The following COL27A1 variants were observed in gnomAD, a reference collection of about 807,000 sequenced individuals.
COL27A1 encodes collagen alpha-1(XXVII) chain.
Under a neutral mutation model 251.3 loss-of-function variants are expected in COL27A1, and 106 were observed. That is an observed-to-expected ratio of 0.42 (90% CI 0.36 to 0.50). The LOEUF (loss-of-function observed/expected upper bound fraction) is 0.50. COL27A1 is among the 20% of genes least tolerant of loss of function. The pLI is 0.00. For missense variants in COL27A1, 2,325 were observed against 2,522.8 expected (o/e 0.92, Z 1.68); for synonymous variants, 1,000 against 986.3 (o/e 1.01, Z -0.26).
chr9:114,291,610 A>G (rs1231239840), intron 48 of COL27A1, among the ~76,000 whole-genome samples: 3 of 152,142 alleles, frequency 2.0e-5, no homozygotes, highest in Non-Finnish European at 4.4e-5. Flanking sequence ...TTAGCTGGGC[A>G]TGGTGGCAGG....
intron 3 of COL27A1, among the ~76,000 whole-genome samples, chr9:114,174,267 G>C (rs1849532236): frequency 6.6e-6 from 1 of 152,048 alleles, no homozygotes; most frequent in Non-Finnish European, 1.5e-5. Context: ...ATTTACGGAG[G>C]GGTGGACAGC....
In COL27A1 at chr9:114,168,376, C is replaced by T. The variant is rs1849056639; in HGVS notation, c.821C>T (p.Thr274Ile). 2 of 1,613,556 alleles carry T rather than the reference C, an allele frequency of 1.2e-6. No individual in the cohort carries two copies. The highest frequency in any genetic ancestry group is 1.7e-6 in the Non-Finnish European group (2 of 1,180,004). The change falls in exon 3 of 61, where the codon ACT becomes ATT. Residue 274 changes from threonine (T) to isoleucine (I), a missense_variant. By Grantham distance (89) the Thr-to-Ile change is moderately conservative. This residue lies in a region of COL27A1 where 1,183 missense variants were observed against 1,144.1 expected (regional missense o/e 1.03). Coordinates refer to ENST00000356083, the MANE Select transcript of COL27A1 (RefSeq NM_032888.4). ...LALLGLENLT[T>I]ATPALGSLPA... is the part of the protein sequence containing the mutation. ...CTGCTAGGCCTGGAGAACTTGACCA[C>T]TGCCACACCAGCCCTGGGGTCACTG...
intron 34 of COL27A1, 51 bp downstream of exon 34, chr9:114,267,608 G>A (rs1438294685): frequency 6.6e-7 from 1 of 1,520,160 alleles, no homozygotes; most frequent in Non-Finnish European, 9.0e-7. Flanking sequence ...CCAGCTCCCA[G>A]ATGGTGGCCA....
chr9:114,252,835 A>C (rs1833634978), intron 26 of COL27A1, 44 bp from the exon 27 acceptor site: 1 of 1,596,300 alleles, frequency 6.3e-7, no homozygotes, highest in Non-Finnish European at 8.6e-7. Context: ...TGAAGGAGGA[A>C]GCTTCCATAG....
chr9:114,186,514 G>A (rs765814736), intron 5 of COL27A1, among the ~76,000 whole-genome samples: 3 of 152,264 alleles, frequency 2.0e-5, no homozygotes, highest in Non-Finnish European at 4.4e-5. Context: ...TGAGAGGCCC[G>A]GAGTGCTCGG....
intron 41 of COL27A1, among the ~76,000 whole-genome samples, chr9:114,286,650 G>A (rs537501172): frequency 2.6e-5 from 4 of 152,250 alleles, no homozygotes; most frequent in East Asian, 3.9e-4. Context: ...TAAATGACGA[G>A]TTAATGGGTG....
In COL27A1 at chr9:114,265,581, C is replaced by T. The variant is rs1458403680; in HGVS notation, c.3393+106C>T. On this transcript the variant is annotated intron_variant, in intron 32 of 60. Coordinates refer to ENST00000356083, the MANE Select transcript of COL27A1 (RefSeq NM_032888.4). ...GGGTTGGAAAGGGACCATGCCTGGC[C>T]TCTAACCCGCTGTGGGCCAGGCCTT... 7 of 1,111,860 alleles carry T rather than the reference C, an allele frequency of 6.3e-6. No individual in the cohort carries two copies. In the Admixed American group the frequency reaches 1.4e-4, roughly 23 times the overall value. 68.9% of individuals were successfully genotyped at this position (1,111,860 alleles called of 1,614,324 possible). A position where few individuals can be genotyped will look rare whatever the true frequency, so the allele number is the denominator to read the frequency against.
In COL27A1 at chr9:114,167,833, C is replaced by T. The variant is rs747384879; in HGVS notation, c.278C>T (p.Ala93Val). The T allele has an allele frequency of 6.2e-7, 1 of 1,613,554 alleles. No homozygotes were observed. The highest frequency in any genetic ancestry group is 8.5e-7 in the Non-Finnish European group (1 of 1,180,002). The change falls in exon 3 of 61, where the codon GCC (alanine) becomes GTC (valine). Residue 93 changes from alanine (A) to valine (V), a missense_variant. By Grantham distance (64) the Ala-to-Val change is moderately conservative. Around this residue, in one of 4 missense-constraint regions of COL27A1, gnomAD observed 1,183 missense variants for 1,144.1 expected, o/e 1.03. Transcript: ENST00000356083. ...CCCACGGGCACCGTCATTCCTGCCG[C>T]CTTGGGCACAGAGCTGGCACTGGTG... Reference protein sequence around the residue: ...QAPTGTVIPAALGTELALVLS... With the variant: ...QAPTGTVIPAVLGTELALVLS...
At chr9:114,180,971 G>A (rs1024307664) in intron 4 of COL27A1, among the ~76,000 whole-genome samples, 8 of 152,264 alleles carry the variant, frequency 5.3e-5, no homozygotes, top group South Asian at 2.1e-4. Context: ...TGCAGCCTAC[G>A]CCTGGCTCTG....
Position 114,164,259 on chromosome 9 carries a change from A to G in COL27A1, c.133+1474A>G, listed in dbSNP as rs146443601. ...CCTGTAAAGTATTTGGTATCTAGTA[A>G]GTGCTCAACAAGTATTAGTTTTTCT... On this transcript the variant is annotated intron_variant, in intron 2 of 60. Transcript: ENST00000356083. 2.4e-4 allele frequency among the ~76,000 whole-genome samples: 37 copies of G among 152,324 alleles called. No homozygotes were observed. The East Asian group carries it at 6.9e-3, about 29-fold the overall frequency.
chr9:114,201,210 G>A (rs1445529487), intron 7 of COL27A1, among the ~76,000 whole-genome samples: 1 of 152,210 alleles, frequency 6.6e-6, no homozygotes, highest in East Asian at 1.9e-4. Flanking sequence ...CACGTTCCCT[G>A]GAGCTCCCCG....
chr9:114,178,994 C>T (rs752062939), intron 4 of COL27A1, among the ~76,000 whole-genome samples: 2 of 152,130 alleles, frequency 1.3e-5, no homozygotes, highest in African/African-American at 4.8e-5. Flanking sequence ...AATGGCAAAA[C>T]CAGGACTGGA....
intron 27 of COL27A1, among the ~76,000 whole-genome samples, chr9:114,258,256 T>C (rs562493663): frequency 6.6e-6 from 1 of 152,214 alleles, no homozygotes; most frequent in Non-Finnish European, 1.5e-5. Flanking sequence ...GAAAATGTCA[T>C]GCAGGGGGCC....
intron 5 of COL27A1, 92 bp from the exon 6 acceptor site, chr9:114,194,312 G>A: frequency 8.0e-7 from 1 of 1,251,638 alleles, no homozygotes; most frequent in Non-Finnish European, 1.2e-6. Context: ...AGGCATTTAA[G>A]CAAGGGAGCA....
At chr9:114,252,536 A>G (rs1233881978) in intron 25 of COL27A1, 57 bp from the exon 26 acceptor site, 1 of 1,531,420 alleles carries the variant, frequency 6.5e-7, no homozygotes, top group Non-Finnish European at 9.0e-7. Flanking sequence ...CCTGCCTCCC[A>G]CAGAGCCACC....
At chr9:114,288,243 G>A (rs1827651064) in intron 41 of COL27A1, among the ~76,000 whole-genome samples, 1 of 152,202 alleles carries the variant, frequency 6.6e-6, no homozygotes, top group African/African-American at 2.4e-5. Context: ...GGCGTCTGGA[G>A]GGCACAAAGC....
Position 114,155,847 on chromosome 9 carries a change from C to G in COL27A1, c.-104C>G. 3.2e-6 allele frequency: 3 copies of G among 923,336 alleles called. No individual in the cohort carries two copies. Among genetic ancestry groups the G allele is most frequent in the Non-Finnish European group, 3.9e-6 (3 of 765,574 alleles). The allele number at this position is 923,336 out of a possible 1,614,324, so 57.2% of individuals were successfully genotyped here. Reference sequence around the variant, plus strand: ...GGCTGCGCTGGGGGCGCGGGGGCCGCGCGCTCTAAGCCGGCCTGGCGCGGC... The same window carrying G: ...GGCTGCGCTGGGGGCGCGGGGGCCGGGCGCTCTAAGCCGGCCTGGCGCGGC... On this transcript the variant is annotated 5_prime_UTR_variant, in exon 1 of 61. Coordinates refer to ENST00000356083, the MANE Select transcript of COL27A1 (RefSeq NM_032888.4). This position sits in a 1 kb window ranked among gnomAD's most constrained non-coding sequence, Gnocchi z 5.5.
chr9:114,227,231 A>G (rs1284293482), intron 14 of COL27A1, among the ~76,000 whole-genome samples: 1 of 151,834 alleles, frequency 6.6e-6, no homozygotes, highest in Non-Finnish European at 1.5e-5. Flanking sequence ...GGGGAGCACA[A>G]CTCAATTTTT....
chr9:114,195,841 C>T, intron 6 of COL27A1, 118 bp from the exon 7 acceptor site: 1 of 852,002 alleles, frequency 1.2e-6, no homozygotes, highest in Non-Finnish European at 2.0e-6. Context: ...CTCTACTTCT[C>T]TATGAATCTC....
Sources: gnomAD v4.1 joint callset for allele counts (sites outside exome capture counted in the v4.1 genomes callset) on GRCh38, gnomAD v4.1.1 for gene constraint, gnomAD v4.1.1 regional missense constraint, Gnocchi (gnomAD v3.1) non-coding constraint, MANE v1.5 for transcripts, NCBI Gene and HGNC (gene_info 2026-07-23, HGNC 2026-07-21) for gene names.